Variants in BCORL1 observed in about 807,000 individuals in gnomAD.
BCORL1 encodes BCL6 corepressor like 1.
A neutral mutation model predicts 87.6 loss-of-function variants in BCORL1; 7 were observed. The observed-to-expected ratio is 0.08, with a 90% confidence interval of 0.05 to 0.15. The LOEUF (loss-of-function observed/expected upper bound fraction) is 0.15, where lower values mean the gene tolerates loss of function less well. Among genes scored for constraint, BCORL1 ranks in the 10% least tolerant of loss-of-function variants. The pLI is 1.00. For missense variants in BCORL1, 1,215 were observed against 1,499.7 expected, an observed-to-expected ratio of 0.81 and a Z score of 3.13; for synonymous variants, 591 against 634.4, an observed-to-expected ratio of 0.93 and a Z score of 1.03.
chrX:130,011,279 C>T (rs1928942653), intron 2 of BCORL1, among the ~76,000 whole-genome samples: 1 of 110,084 alleles, frequency 9.1e-6, no homozygotes, highest in Non-Finnish European at 1.9e-5. Context: ...ACTCTGTCGC[C>T]CAGGTTGAAG....
chrX:130,008,250 G>C (rs1189652363), intron 2 of BCORL1, among the ~76,000 whole-genome samples: 2 of 107,140 alleles, frequency 1.9e-5, no homozygotes, highest in Non-Finnish European at 3.8e-5. Flanking sequence ...CCTGTGCCTA[G>C]TGCTTAAGAG....
Position 130,056,284 on chromosome X carries a change from C to A in BCORL1, c.*148C>A. On this transcript the variant is annotated 3_prime_UTR_variant, in exon 14 of 14. Coordinates refer to ENST00000540052, the MANE Select transcript of BCORL1 (RefSeq NM_001379451.1). Reference sequence around the variant, plus strand: ...GCCTTATCAATGCCAGCATTAGCGACTGGACTGTTTTTGTTTTTTTGGTTA... The same window carrying A: ...GCCTTATCAATGCCAGCATTAGCGAATGGACTGTTTTTGTTTTTTTGGTTA... 1.6e-6 allele frequency: 1 copy of A among 612,015 alleles called. No homozygotes were observed. Among genetic ancestry groups the A allele is most frequent in the African/African-American group, 2.3e-5 (1 of 43,949 alleles). The allele number at this position is 612,015 out of a possible 1,213,427, so 50.4% of individuals were successfully genotyped here.
At chrX:130,030,346 T>C (rs371400421) in intron 8 of BCORL1, among the ~76,000 whole-genome samples, 7 of 111,682 alleles carry the variant, frequency 6.3e-5, no homozygotes, top group Non-Finnish European at 1.3e-4. Flanking sequence ...CAGGGAACTC[T>C]GGTCTGTGCC....
intron 5 of BCORL1, among the ~76,000 whole-genome samples, chrX:130,022,128 T>C (rs1929873175): frequency 9.0e-6 from 1 of 111,085 alleles, no homozygotes; most frequent in Non-Finnish European, 1.9e-5. Context: ...ACTGGCTCCT[T>C]GTTCCTATCT....
intron 2 of BCORL1, among the ~76,000 whole-genome samples, chrX:130,010,117 G>A (rs1028856332): frequency 1.8e-5 from 2 of 112,000 alleles, no homozygotes; most frequent in Admixed American, 9.4e-5. Flanking sequence ...TGCCTTCGAC[G>A]GCAGGGATTC....
intron 11 of BCORL1, 26 bp downstream of exon 11, chrX:130,039,308 G>A: frequency 8.3e-7 from 1 of 1,202,497 alleles, no homozygotes; most frequent in Non-Finnish European, 1.1e-6. Flanking sequence ...ACTTGACACT[G>A]TTGTCCTTGG....
In BCORL1 at chrX:130,000,930, C is replaced by CG. The variant is rs1226542076; in HGVS notation, c.-44-4252dup. ...TGTGTGTGTGTGTGTGTGTGTGTGT[C>CG]GGGGGGTGGCTGTTGATTTTGCTTC... On this transcript the variant is annotated intron_variant, in intron 1 of 13. Coordinates refer to ENST00000540052, the MANE Select transcript of BCORL1 (RefSeq NM_001379451.1). Among the ~76,000 whole-genome samples, 13 of 95,494 alleles carry CG rather than the reference C, an allele frequency of 1.4e-4. No individual in the cohort carries two copies. The East Asian group carries it at 3.3e-3, about 24-fold the overall frequency. The allele number at this position is 95,494 out of a possible 115,157, so 82.9% of individuals were successfully genotyped here.
chrX:130,031,455 A>G (rs1335886551), intron 8 of BCORL1, among the ~76,000 whole-genome samples: 2 of 112,245 alleles, frequency 1.8e-5, no homozygotes, highest in Admixed American at 9.5e-5. Flanking sequence ...AGGGCTCTGC[A>G]CACAGCTGGC....
intron 1 of BCORL1, among the ~76,000 whole-genome samples, chrX:129,990,899 T>A (rs1427271672): frequency 9.0e-6 from 1 of 111,506 alleles, no homozygotes; most frequent in Non-Finnish European, 1.9e-5. Flanking sequence ...TGAAAAGGGC[T>A]GTTGTGTTTA....
chrX:130,037,978 G>A, intron 10 of BCORL1, among the ~76,000 whole-genome samples: 1 of 112,227 alleles, frequency 8.9e-6, no homozygotes, highest in African/African-American at 3.2e-5. Flanking sequence ...GGCCTTGACA[G>A]GAGGAGTTTT....
chrX:129,982,568 G>A (rs1357580096), upstream of BCORL1: 1 of 110,153 alleles, frequency 9.1e-6, no homozygotes, highest in African/African-American at 3.3e-5. Flanking sequence ...GTCGAGCCCT[G>A]CGACCGGCAC....
intron 4 of BCORL1, among the ~76,000 whole-genome samples, chrX:130,016,463 TTCTG>T (rs1345170157): frequency 8.9e-6 from 1 of 112,144 alleles, no homozygotes; most frequent in African/African-American, 3.2e-5. Flanking sequence ...TGGGAAATGA[TTCTG>T]TCCCTGGGGT....
intron 1 of BCORL1, among the ~76,000 whole-genome samples, chrX:129,992,792 AAGTGATCTGTCTGCCTCGGCCTCTC>A (rs1927289720): frequency 9.0e-6 from 1 of 111,248 alleles, no homozygotes; most frequent in Non-Finnish European, 1.9e-5. Context: ...TCCTGGGCTT[AAGTGATCTGTCTGCCTCGGCCTCTC>A]AGTGTTGGGA....
intron 1 of BCORL1, among the ~76,000 whole-genome samples, chrX:129,986,892 T>C (rs1926676265): frequency 1.8e-5 from 2 of 110,984 alleles, no homozygotes. Context: ...GAGTGGAGGA[T>C]CTCAGGACAC....
rs759930259 is a variant in BCORL1, at chrX:130,057,369, C to A, written c.*1233C>A. ...TGAGTGGTATCCCTACCTGGCCTCC[C>A]CCTGGCCTCTGGGCCTCCAGCGCTG... On this transcript the variant is annotated 3_prime_UTR_variant, in exon 14 of 14. Coordinates refer to ENST00000540052, the MANE Select transcript of BCORL1 (RefSeq NM_001379451.1). The A allele has an allele frequency of 8.9e-6, 1 of 112,151 alleles. No individual in the cohort carries two copies. Among genetic ancestry groups the A allele is most frequent in the Admixed American group, 9.5e-5 (1 of 10,565 alleles). 9.2% of individuals were successfully genotyped at this position (112,151 alleles called of 1,213,427 possible).
intron 1 of BCORL1, among the ~76,000 whole-genome samples, chrX:129,991,963 G>A (rs1927225945): frequency 9.5e-6 from 1 of 105,144 alleles, no homozygotes; most frequent in Non-Finnish European, 1.9e-5. Flanking sequence ...CGTGCCTGGC[G>A]CTTTTTATTT....
At chrX:130,043,766 ATATATATATATATATATAT>A (rs1319135707) in intron 11 of BCORL1, among the ~76,000 whole-genome samples, 7 of 16,631 alleles carry the variant, frequency 4.2e-4, no homozygotes, top group South Asian at 9.1e-3. Flanking sequence ...ATATATATAT[ATATATATATATATATATAT>A]TTTTTTTTTT....
chrX:129,994,127 T>G (rs976593183), intron 1 of BCORL1, among the ~76,000 whole-genome samples: 2 of 112,590 alleles, frequency 1.8e-5, no homozygotes, highest in African/African-American at 6.4e-5. Flanking sequence ...TTATTCCAAA[T>G]TTTTAGTAGG....
rs1362966899 is a variant in BCORL1, at chrX:129,984,166, TGCCGCCGCCGCTGCC to T, written c.-45+1419_-45+1433del. Reference sequence around the variant, plus strand: ...GGGGCGGGGCCGGGGGCGGCGCTGCTGCCGCCGCCGCTGCCGCCGCCGCCGCTGCTGCTCCTGCTG... The same window carrying T: ...GGGGCGGGGCCGGGGGCGGCGCTGCTGCCGCCGCCGCTGCTGCTCCTGCTG... On this transcript the variant is annotated intron_variant, in intron 1 of 13. Coordinates refer to ENST00000540052, the MANE Select transcript of BCORL1 (RefSeq NM_001379451.1). Among the ~76,000 whole-genome samples the T allele has an allele frequency of 5.6e-4, 54 of 97,129 alleles. 2 individuals are homozygous for T. In the East Asian group the frequency reaches 7.8e-3, roughly 14 times the overall value. The allele number at this position is 97,129 out of a possible 115,157, so 84.3% of individuals were successfully genotyped here. A position where few individuals can be genotyped will look rare whatever the true frequency, so the allele number is the denominator to read the frequency against.
Sources: gnomAD v4.1 joint callset for allele counts (sites outside exome capture counted in the v4.1 genomes callset) on GRCh38, gnomAD v4.1.1 for gene constraint, MANE v1.5 for transcripts, NCBI Gene and HGNC (gene_info 2026-07-23, HGNC 2026-07-21) for gene names.